MGAM2: variants seen among roughly 807,000 people sequenced by gnomAD.
The protein encoded by MGAM2 is probable maltase-glucoamylase 2.
A neutral mutation model predicts 96.1 loss-of-function variants in MGAM2; 98 were observed. The ratio of observed to expected loss-of-function variants is 1.02; its 90% CI spans 0.87 to 1.21. The LOEUF is 1.21. Among genes scored for constraint, MGAM2 ranks in the 50% most tolerant of loss-of-function variants. The pLI, the probability that MGAM2 is intolerant of heterozygous loss-of-function variation, is 0.00. For synonymous variants in MGAM2, 749 were observed against 414.8 expected (o/e 1.81, Z -9.79); for missense variants, 2,055 against 1,182.4 (o/e 1.74, Z -10.82).
At chr7:142,198,793 C>A (rs1797133720) in intron 44 of MGAM2, 54 bp downstream of exon 44, 1 of 666,102 alleles carries the variant, frequency 1.5e-6, no homozygotes, top group Non-Finnish European at 2.7e-6. Flanking sequence ...AATGAGGAAG[C>A]CTTACAGGAG....
chr7:142,143,501 A>G (rs975763298), intron 12 of MGAM2, among the ~76,000 whole-genome samples: 6 of 152,330 alleles, frequency 3.9e-5, no homozygotes, highest in African/African-American at 1.4e-4. Context: ...AACTGGCCTG[A>G]CATAATGCAG....
intron 45 of MGAM2, among the ~76,000 whole-genome samples, chr7:142,206,883 A>T (rs12703446): frequency 0.4 from 61,122 of 152,044 alleles, 12,858 homozygotes; most frequent in Admixed American, 0.49. Flanking sequence ...CTGTTCAAGG[A>T]TAATCTTAAA....
chr7:142,150,192 C>T lies in MGAM2; in HGVS notation c.1634+2619C>T, dbSNP rs1355823061. Among the ~76,000 whole-genome samples the T allele has an allele frequency of 2.6e-5, 4 of 151,508 alleles. No individual in the cohort carries two copies. The East Asian group carries it at 7.9e-4, about 30-fold the overall frequency. Reference sequence around the variant, plus strand: ...CCGACCTCTGGTGATCCGCCCACCTCGGCTTCCCAAAGTGCTGGAATTGCA... The same window carrying T: ...CCGACCTCTGGTGATCCGCCCACCTTGGCTTCCCAAAGTGCTGGAATTGCA... On this transcript the variant is annotated intron_variant, in intron 15 of 47. Coordinates refer to ENST00000477922, the MANE Select transcript of MGAM2 (RefSeq NM_001293626.2).
At chr7:142,117,213 C>G (rs2129073504) in intron 2 of MGAM2, among the ~76,000 whole-genome samples, 1 of 152,212 alleles carries the variant, frequency 6.6e-6, no homozygotes, top group Non-Finnish European at 1.5e-5. Context: ...GCAATTTTAA[C>G]AAGATGCAAA....
In MGAM2 at chr7:142,157,044, G is replaced by A. The variant is rs370699169; in HGVS notation, c.1924-893G>A. On this transcript the variant is annotated intron_variant, in intron 17 of 47. Transcript: ENST00000477922. The stretch of plus-strand genomic sequence containing the variant: ...CAATGTATGTCAAAGAACAAATAGA[G>A]GTCACTAATCTTTGGGATAGGGAAA... Among the ~76,000 whole-genome samples, 61 of 152,146 alleles carry A rather than the reference G, an allele frequency of 4.0e-4. 2 individuals carry two copies. The South Asian group carries it at 0.012, about 29-fold the overall frequency.
intron 3 of MGAM2, among the ~76,000 whole-genome samples, chr7:142,124,261 C>T (rs969438412): frequency 5.9e-5 from 9 of 152,078 alleles, no homozygotes; most frequent in African/African-American, 1.9e-4. Context: ...CATGAGCCAC[C>T]ACACCTGGCC....
intron 1 of MGAM2, among the ~76,000 whole-genome samples, chr7:142,114,432 A>G (rs1358248682): frequency 6.6e-6 from 1 of 152,086 alleles, no homozygotes; most frequent in African/African-American, 2.4e-5. Flanking sequence ...AAACACAGCC[A>G]AGCCAATAAC....
chr7:142,160,109 A>G lies in MGAM2; in HGVS notation c.2221-25A>G, dbSNP rs1186061987. 27 of 696,616 alleles carry G rather than the reference A, an allele frequency of 3.9e-5. No individual in the cohort carries two copies. The East Asian group carries it at 6.2e-4, about 16-fold the overall frequency. 43.2% of individuals were successfully genotyped at this position (696,616 alleles called of 1,614,324 possible). On this transcript the variant is annotated intron_variant, in intron 20 of 47. Coordinates refer to ENST00000477922, the MANE Select transcript of MGAM2 (RefSeq NM_001293626.2). ...GCTGAAACAGCTTATTACCTGATCT[A>G]TCTTTTGTTGTTGTTGCTGATTAGG...
rs530247207 is a variant in MGAM2 at position 142,180,100 on chromosome 7, T to C, written c.3817-3166T>C. On this transcript the variant is annotated intron_variant, in intron 32 of 47. Transcript: ENST00000477922. ...TCAGTCTTGGGAGGTTGTGTGTTTC[T>C]AGGAATTTATTCATTTCCTCTAGAT... 9.9e-5 allele frequency among the ~76,000 whole-genome samples: 15 copies of C among 152,222 alleles called. No homozygotes were observed. The East Asian group carries it at 2.9e-3, about 29-fold the overall frequency.
intron 2 of MGAM2, among the ~76,000 whole-genome samples, chr7:142,119,241 A>C (rs1257101730): frequency 6.6e-6 from 1 of 152,168 alleles, no homozygotes; most frequent in Non-Finnish European, 1.5e-5. Flanking sequence ...TAAAAAAAAA[A>C]GGTTTCTAAA....
chr7:142,131,778 T>G (rs1391949581), intron 5 of MGAM2, among the ~76,000 whole-genome samples, 151 bp downstream of exon 5: 1 of 152,132 alleles, frequency 6.6e-6, no homozygotes, highest in Non-Finnish European at 1.5e-5. Flanking sequence ...ATGGGGCACA[T>G]GTAATTGGGT....
In MGAM2 at chr7:142,170,148, C is replaced by G. The variant is rs1473186452; in HGVS notation, c.3101C>G (p.Pro1034Arg). The G allele has an allele frequency of 1.1e-5, 8 of 702,722 alleles. No homozygotes were observed. The highest frequency in any genetic ancestry group is 4.6e-4 in the Middle Eastern group (2 of 4,390). The allele number at this position is 702,722 out of a possible 1,614,324, so 43.5% of individuals were successfully genotyped here. ...ACCCCTCCCCAACCAGTTGGTGACC[C>G]TGAAAACCGTCTGTATGATGTCAGG... ...LNTPPQPVGD[P>R]ENRLYDVRIQ... The change falls in exon 27 of 48, where the codon CCT becomes CGT. Residue 1034 changes from proline (P) to arginine (R), a missense_variant. Pro to Arg is a moderately radical substitution (Grantham distance 103). Transcript: ENST00000477922.
intron 35 of MGAM2, among the ~76,000 whole-genome samples, chr7:142,186,363 G>A (rs1451815338): frequency 6.6e-6 from 1 of 152,126 alleles, no homozygotes; most frequent in Non-Finnish European, 1.5e-5. Flanking sequence ...TGCTGGAGAT[G>A]CCAGAGCAAA....
chr7:142,200,500 TGTTA>T (rs567877937), intron 45 of MGAM2, among the ~76,000 whole-genome samples: 79 of 152,324 alleles, frequency 5.2e-4, no homozygotes, highest in Non-Finnish European at 9.4e-4. Flanking sequence ...AGATAGAGTA[TGTTA>T]GTTCTACTTA....
At position 142,164,883 on chromosome 7, in the gene MGAM2, A is replaced by C; in HGVS notation, c.2512A>C (p.Asn838His). Residue 838 changes from asparagine to histidine, a missense_variant, in exon 24 of 48, where the codon AAT (asparagine) becomes CAT (histidine). Physicochemically the swap from Asn to His is moderately conservative, Grantham distance 68. Coordinates refer to ENST00000477922, the MANE Select transcript of MGAM2 (RefSeq NM_001293626.2). ...SNHLQAKIIN[N>H]NYMDTDNLMF... ...CCATCTACAAGCAAAGATTATAAATAATAATTATATGGACACTGACAACCT... is the reference window on the plus strand; with the variant it reads ...CCATCTACAAGCAAAGATTATAAATCATAATTATATGGACACTGACAACCT... The C allele has an allele frequency of 2.9e-6, 2 of 699,880 alleles. No homozygotes were observed. The highest frequency in any genetic ancestry group is 5.2e-6 in the Non-Finnish European group (2 of 384,028). The allele number at this position is 699,880 out of a possible 1,614,324, so 43.4% of individuals were successfully genotyped here.
rs183184297 is a variant in MGAM2, at chr7:142,190,525, C to T, written c.4346+1020C>T. 3.5e-3 allele frequency among the ~76,000 whole-genome samples: 535 copies of T among 152,114 alleles called. 2 individuals are homozygous for T. Among genetic ancestry groups the T allele is most frequent in the Non-Finnish European group, 5.2e-3 (351 of 67,992 alleles). On this transcript the variant is annotated intron_variant, in intron 37 of 47. Transcript: ENST00000477922. ...CTGACCCCAGGTGATCCACCTGCCTCGGCCTCCCAAAGTGCTGGGATTATA... is the reference window on the plus strand; with the variant it reads ...CTGACCCCAGGTGATCCACCTGCCTTGGCCTCCCAAAGTGCTGGGATTATA...
At chr7:142,205,540 A>G (rs963370822) in intron 45 of MGAM2, among the ~76,000 whole-genome samples, 1 of 152,060 alleles carries the variant, frequency 6.6e-6, no homozygotes, top group African/African-American at 2.4e-5. Context: ...GGTTTTGATT[A>G]ATTTATATTT....
intron 3 of MGAM2, among the ~76,000 whole-genome samples, chr7:142,120,757 C>T (rs1794545938): frequency 1.3e-5 from 2 of 152,068 alleles, no homozygotes; most frequent in South Asian, 4.2e-4. Context: ...ATAGGGAAAT[C>T]CATAGTGATA....
At chr7:142,134,776 TAA>T (rs35820144) in intron 7 of MGAM2, among the ~76,000 whole-genome samples, 15 of 135,150 alleles carry the variant, frequency 1.1e-4, no homozygotes, top group African/African-American at 2.5e-4. Context: ...ACTAGTTTCT[TAA>T]AAAAAAAAAA....
Sources: gnomAD v4.1 joint callset for allele counts (sites outside exome capture counted in the v4.1 genomes callset) on GRCh38, gnomAD v4.1.1 for gene constraint, MANE v1.5 for transcripts, NCBI Gene and HGNC (gene_info 2026-07-23, HGNC 2026-07-21) for gene names.